The following CUL2 variants were observed in gnomAD, a reference collection of about 807,000 sequenced individuals.
CUL2 encodes cullin-2.
CUL2 carries 22 observed loss-of-function variants against 110.2 expected under a neutral mutation model. The ratio of observed to expected loss-of-function variants is 0.20; its 90% confidence interval spans 0.14 to 0.28. CUL2 has a LOEUF of 0.28. CUL2 is among the 10% of genes least tolerant of loss of function. CUL2 has a pLI of 1.00. For synonymous variants in CUL2, 279 were observed against 293.2 expected, an observed-to-expected ratio of 0.95 and a Z score of 0.49; for missense variants, 631 against 905.5, an observed-to-expected ratio of 0.70 and a Z score of 3.89.
At chr10:35,115,964 CAG>C (rs1484575624) in intron 1 of CUL2, among the ~76,000 whole-genome samples, 9 of 151,902 alleles carry the variant, frequency 5.9e-5, no homozygotes, top group Non-Finnish European at 1.3e-4. Context: ...AAAACTGAAA[CAG>C]GGAAAGAGAA....
chr10:35,034,728 A>C (rs888854485), intron 10 of CUL2, among the ~76,000 whole-genome samples: 1 of 152,202 alleles, frequency 6.6e-6, no homozygotes, highest in Non-Finnish European at 1.5e-5. Flanking sequence ...GGCAGCAAGC[A>C]TATACTTACA....
upstream of CUL2, among the ~76,000 whole-genome samples, chr10:35,095,322 C>CA (rs528275472): frequency 9.8e-3 from 1,012 of 102,822 alleles, 13 homozygotes; most frequent in African/African-American, 0.025. Context: ...GACTCCATCT[C>CA]AAAAAAAAAA....
rs1444074627 is a variant in CUL2 at position 35,032,462 on chromosome 10, A to G, written c.1143T>C (p.Pro381=). The G allele has an allele frequency of 1.4e-5, 22 of 1,591,606 alleles. No individual in the cohort carries two copies. The highest frequency in any genetic ancestry group is 1.8e-5 in the Non-Finnish European group (21 of 1,173,284). Reference sequence around the variant, plus strand: ...GTTCAGGTGCTTTGCAAACAGACTTAGGTTCTCTGTAATTTACAACTGACG... The same window carrying G: ...GTTCAGGTGCTTTGCAAACAGACTTGGGTTCTCTGTAATTTACAACTGACG... ...ALTSVVNYRE[P]KSVCKAPELL... The change falls in exon 12 of 21, where the codon CCT becomes CCC. Residue 381 remains proline (P), a synonymous_variant. Coordinates refer to ENST00000374749, the MANE Select transcript of CUL2 (RefSeq NM_003591.4).
intron 1 of CUL2, among the ~76,000 whole-genome samples, chr10:35,071,652 C>T (rs953107726): frequency 2.0e-5 from 3 of 152,194 alleles, no homozygotes; most frequent in Non-Finnish European, 4.4e-5. Context: ...TCGTGATCCG[C>T]CCACCTTGGC....
At chr10:35,045,868 C>T (rs1166756818) in intron 6 of CUL2, among the ~76,000 whole-genome samples, 2 of 152,188 alleles carry the variant, frequency 1.3e-5, no homozygotes, top group Non-Finnish European at 2.9e-5. Context: ...ACTCTTCCAA[C>T]CTACTTTAAA....
chr10:35,040,726 G>A (rs55960106), intron 8 of CUL2, among the ~76,000 whole-genome samples: 22,972 of 152,110 alleles, frequency 0.15, 1,960 homozygotes, highest in East Asian at 0.24. Context: ...TTCCACAGAC[G>A]GAGTGCGGGC....
Position 35,081,664 on chromosome 10 carries a change from T to C in CUL2, c.-23+8515A>G, listed in dbSNP as rs527779070. ...ATCCCAGCACTTTGCGAGGCCAAGATGGGCAGACTGCTTGAGCCCAGGAGT... is the reference window on the plus strand; with the variant it reads ...ATCCCAGCACTTTGCGAGGCCAAGACGGGCAGACTGCTTGAGCCCAGGAGT... On this transcript the variant is annotated intron_variant, in intron 1 of 20. Coordinates refer to ENST00000374749, the MANE Select transcript of CUL2 (RefSeq NM_003591.4). 8.5e-5 allele frequency among the ~76,000 whole-genome samples: 13 copies of C among 152,188 alleles called. 1 individual carries two copies. In the South Asian group the frequency reaches 2.3e-3, roughly 27 times the overall value.
At chr10:35,085,715 A>C (rs1297152389) in intron 1 of CUL2, among the ~76,000 whole-genome samples, 1 of 151,788 alleles carries the variant, frequency 6.6e-6, no homozygotes, top group African/African-American at 2.4e-5. Context: ...AAAAAAAAAA[A>C]AAACTGATAG....
chr10:35,124,873 A>C (rs898453790), intron 1 of CUL2, among the ~76,000 whole-genome samples: 1 of 152,182 alleles, frequency 6.6e-6, no homozygotes, highest in Non-Finnish European at 1.5e-5. Flanking sequence ...TGAGGAGGGA[A>C]TATAAGGGTG....
At chr10:35,125,300 T>C (rs11597913) in intron 1 of CUL2, among the ~76,000 whole-genome samples, 20,665 of 152,250 alleles carry the variant, frequency 0.14, 1,591 homozygotes, top group South Asian at 0.2. Context: ...CAAAAAAATA[T>C]GGTTTGTGCT....
chr10:35,082,998 A>C (rs546448860), intron 1 of CUL2, among the ~76,000 whole-genome samples: 1 of 152,088 alleles, frequency 6.6e-6, no homozygotes, highest in East Asian at 1.9e-4. Context: ...TCTCTACTAA[A>C]AATACAAAAA....
chr10:35,058,347 G>A (rs1266632656), intron 4 of CUL2, among the ~76,000 whole-genome samples: 7 of 152,098 alleles, frequency 4.6e-5, no homozygotes, highest in East Asian at 1.9e-4. Context: ...CCAGACCCCC[G>A]TGGTAAGGCA....
chr10:35,074,178 C>T (rs956945837), intron 1 of CUL2: 34 of 1,535,096 alleles, frequency 2.2e-5, no homozygotes, highest in Non-Finnish European at 2.9e-5. Flanking sequence ...ATCAAAGACA[C>T]AAAAATAACC....
intron 2 of CUL2, among the ~76,000 whole-genome samples, chr10:35,068,694 CAT>C (rs2086601194): frequency 6.6e-6 from 1 of 152,116 alleles, no homozygotes; most frequent in East Asian, 1.9e-4. Context: ...AATAATAACA[CAT>C]ATTTGAAACA....
chr10:35,053,477 C>A (rs1202985395), intron 5 of CUL2, among the ~76,000 whole-genome samples: 1 of 152,168 alleles, frequency 6.6e-6, no homozygotes, highest in Non-Finnish European at 1.5e-5. Flanking sequence ...ATAATACATT[C>A]TTCTTCCATG....
intron 1 of CUL2, among the ~76,000 whole-genome samples, chr10:35,081,263 T>C (rs2086941631): frequency 6.6e-6 from 1 of 152,044 alleles, no homozygotes; most frequent in Non-Finnish European, 1.5e-5. Context: ...ATAAACCCAC[T>C]GCACCAGAAT....
chr10:35,021,586 T>C (rs77122725), intron 17 of CUL2, among the ~76,000 whole-genome samples: 1 of 151,742 alleles, frequency 6.6e-6, no homozygotes, highest in African/African-American at 2.4e-5. Context: ...CATTTACATA[T>C]ACATGTATAT....
chr10:35,016,238 ATTGTTTT>A lies in CUL2; in HGVS notation c.1834_1840del (p.Lys612SerfsTer7). 6.2e-7 allele frequency: 1 copy of A among 1,614,020 alleles called. No homozygotes were observed. Among genetic ancestry groups the A allele is most frequent in the Non-Finnish European group, 8.5e-7 (1 of 1,179,962 alleles). ...CATTTTCACATCAAGTAATGATTTG[ATTGTTTT>A]TGTCAGTTCCTTTTCATTCATCTGA... On this transcript the variant is annotated frameshift_variant, in exon 18 of 21. Coordinates refer to ENST00000374749, the MANE Select transcript of CUL2 (RefSeq NM_003591.4). LOFTEE classifies it high-confidence loss of function.
At chr10:35,042,280 T>C (rs2134787255) in intron 8 of CUL2, among the ~76,000 whole-genome samples, 1 of 152,286 alleles carries the variant, frequency 6.6e-6, no homozygotes, top group African/African-American at 2.4e-5. Flanking sequence ...GTGTCTGTCT[T>C]TTTCCACTTA....
Sources: allele counts gnomAD v4.1 joint callset (sites outside exome capture counted in the v4.1 genomes callset), GRCh38; gene constraint gnomAD v4.1.1; transcripts MANE v1.5; gene names NCBI Gene and HGNC (gene_info 2026-07-23, HGNC 2026-07-21).